The following CTIF variants were observed in gnomAD, a reference collection of about 807,000 sequenced individuals.
CTIF encodes cap binding complex dependent translation initiation factor.
Under a neutral mutation model 66.0 loss-of-function variants are expected in CTIF, and 21 were observed. That is an observed-to-expected ratio of 0.32 (90% confidence interval 0.23 to 0.46). The LOEUF is 0.46. CTIF is among the 20% of genes least tolerant of loss of function. The pLI, the probability that CTIF is intolerant of heterozygous loss-of-function variation, is 1.00. For missense variants in CTIF, 739 were observed against 812.7 expected, an observed-to-expected ratio of 0.91 and a Z score of 1.10; for synonymous variants, 345 against 326.4, an observed-to-expected ratio of 1.06 and a Z score of -0.62.
chr18:48,815,337 T>C (rs12454133), intron 9 of CTIF, among the ~76,000 whole-genome samples: 33,211 of 152,116 alleles, frequency 0.22, 4,123 homozygotes, highest in African/African-American at 0.32. Flanking sequence ...CTCATAGTCA[T>C]GGGCAAGTTA....
At chr18:48,674,597 T>C (rs8085434) in intron 6 of CTIF, among the ~76,000 whole-genome samples, 12,503 of 152,254 alleles carry the variant, frequency 0.082, 587 homozygotes, top group African/African-American at 0.13. Context: ...TCCTGGTGAC[T>C]CCATCTGGCT....
In CTIF at chr18:48,758,214, C is replaced by G. The variant is rs145237824; in HGVS notation, c.880C>G (p.Leu294Val). Reference protein sequence around the residue: ...DTAGDTGHSSLEAPRSPDTLA... With the variant: ...DTAGDTGHSSVEAPRSPDTLA... Reference sequence around the variant, plus strand: ...TGCAGGGGACACCGGGCACAGCAGCCTTGAGGCCCCCCGCAGCCCTGACAC... The same window carrying G: ...TGCAGGGGACACCGGGCACAGCAGCGTTGAGGCCCCCCGCAGCCCTGACAC... The change falls in exon 8 of 12, where the codon CTT becomes GTT. Residue 294 changes from leucine to valine, a missense_variant. By Grantham distance (32) the Leu-to-Val change is conservative. This residue lies in a region of CTIF where 529 missense variants were observed against 520.3 expected (regional missense o/e 1.02). Transcript: ENST00000256413. The G allele has an allele frequency of 1.7e-3, 2,679 of 1,613,544 alleles. 1 individual carries two copies. The highest frequency in any genetic ancestry group is 2.0e-3 in the Non-Finnish European group (2,402 of 1,179,830).
chr18:48,728,521 C>G (rs768683062), intron 7 of CTIF, among the ~76,000 whole-genome samples: 1 of 152,162 alleles, frequency 6.6e-6, no homozygotes. Context: ...CAGGGTCTCT[C>G]GTGAGATTGT....
At chr18:48,806,587 TA>T (rs2068152398) in intron 9 of CTIF, among the ~76,000 whole-genome samples, 1 of 152,096 alleles carries the variant, frequency 6.6e-6, no homozygotes, top group Admixed American at 6.6e-5. Flanking sequence ...TCAGGAAGTG[TA>T]AAAAATATAT....
At chr18:48,788,486 C>T (rs1208048231) in intron 9 of CTIF, among the ~76,000 whole-genome samples, 2 of 151,964 alleles carry the variant, frequency 1.3e-5, no homozygotes, top group East Asian at 3.9e-4. Context: ...AGCAGTGAAT[C>T]CTGTGACTGT....
intron 9 of CTIF, among the ~76,000 whole-genome samples, chr18:48,777,304 C>T (rs1366646535): frequency 6.6e-6 from 1 of 152,230 alleles, no homozygotes; most frequent in Non-Finnish European, 1.5e-5. Flanking sequence ...CACCTCCCAG[C>T]ATCTTGGCAT....
At chr18:48,552,453 T>G (rs1039785292) in intron 1 of CTIF, among the ~76,000 whole-genome samples, 1 of 152,224 alleles carries the variant, frequency 6.6e-6, no homozygotes, top group African/African-American at 2.4e-5. Flanking sequence ...ACTTATTTCT[T>G]GGGCTAGGAA....
chr18:48,860,451 G>C lies in CTIF; in HGVS notation c.*892G>C, dbSNP rs370284549. On this transcript the variant is annotated 3_prime_UTR_variant, in exon 12 of 12. Transcript: ENST00000256413. ...TAGGGTAATTGGAAACTTCTGCCCC[G>C]GCGGGGGGTCCCCGCTGGAATCCTG... The C allele has an allele frequency of 1.5e-5, 2 of 135,046 alleles. No individual in the cohort carries two copies. The highest frequency in any genetic ancestry group is 6.2e-5 in the African/African-American group (2 of 32,430). 8.4% of individuals were successfully genotyped at this position (135,046 alleles called of 1,614,324 possible).
At chr18:48,634,772 G>A (rs1234840127) in intron 2 of CTIF, among the ~76,000 whole-genome samples, 1 of 152,192 alleles carries the variant, frequency 6.6e-6, no homozygotes, top group South Asian at 2.1e-4. Flanking sequence ...CTCTGACACC[G>A]TTGCCACTTC....
chr18:48,587,156 A>G (rs1328183324), intron 1 of CTIF, among the ~76,000 whole-genome samples: 1 of 147,758 alleles, frequency 6.8e-6, no homozygotes, highest in Non-Finnish European at 1.5e-5. Flanking sequence ...ATCTCAGCTC[A>G]CCACAACCTC....
At chr18:48,846,642 A>G (rs1277435358) in intron 10 of CTIF, among the ~76,000 whole-genome samples, 1 of 146,086 alleles carries the variant, frequency 6.8e-6, no homozygotes, top group Admixed American at 6.8e-5. Flanking sequence ...TAGATGGATG[A>G]AAGAATGGAT....
At chr18:48,849,752 A>G (rs569935108) in intron 10 of CTIF, among the ~76,000 whole-genome samples, 1 of 151,526 alleles carries the variant, frequency 6.6e-6, no homozygotes, top group African/African-American at 2.4e-5. Context: ...CACCCAGCTA[A>G]TTTTTGTATT....
chr18:48,781,616 G>A (rs1163979258), intron 9 of CTIF, among the ~76,000 whole-genome samples: 1 of 152,158 alleles, frequency 6.6e-6, no homozygotes, highest in Non-Finnish European at 1.5e-5. Context: ...GACCTATGGA[G>A]CCAGCAGCAG....
chr18:48,613,363 A>G (rs1033266906), intron 1 of CTIF, among the ~76,000 whole-genome samples: 12 of 152,124 alleles, frequency 7.9e-5, no homozygotes, highest in African/African-American at 2.9e-4. Context: ...CGACCATCTC[A>G]GGCTGCCCCA....
intron 2 of CTIF, among the ~76,000 whole-genome samples, chr18:48,632,193 A>C (rs1305914358): frequency 6.6e-6 from 1 of 152,196 alleles, no homozygotes; most frequent in Non-Finnish European, 1.5e-5. Flanking sequence ...GGATTCAGGC[A>C]GTAGCCCTGG....
intron 3 of CTIF, among the ~76,000 whole-genome samples, chr18:48,657,186 C>T (rs371999458): frequency 2.0e-5 from 3 of 152,190 alleles, no homozygotes; most frequent in African/African-American, 7.2e-5. Context: ...AGGTAGATTT[C>T]TAGCCAAAAA....
At chr18:48,677,296 G>A (rs2091647364) in intron 6 of CTIF, among the ~76,000 whole-genome samples, 1 of 152,162 alleles carries the variant, frequency 6.6e-6, no homozygotes, top group Admixed American at 6.5e-5. Flanking sequence ...GGTGAGGTCT[G>A]ACCTTATTCA....
intron 6 of CTIF, among the ~76,000 whole-genome samples, chr18:48,689,945 C>G (rs2091901975): frequency 6.6e-6 from 1 of 152,182 alleles, no homozygotes. Flanking sequence ...TTTCCCCAGT[C>G]TGTGAGATAC....
chr18:48,582,112 T>TG (rs938092691), intron 1 of CTIF, among the ~76,000 whole-genome samples: 1 of 150,780 alleles, frequency 6.6e-6, no homozygotes, highest in African/African-American at 2.5e-5. Flanking sequence ...TGGTGGGGTG[T>TG]GGGGGCTGGG....
Sources: allele counts gnomAD v4.1 joint callset (sites outside exome capture counted in the v4.1 genomes callset), GRCh38; gene constraint gnomAD v4.1.1; regional missense constraint gnomAD v4.1.1; transcripts MANE v1.5; gene names NCBI Gene and HGNC (gene_info 2026-07-23, HGNC 2026-07-21).